Variants in BAIAP2L1 observed in about 807,000 individuals in gnomAD.
BAIAP2L1 encodes the protein BAR/IMD domain-containing adapter protein 2-like 1.
A neutral mutation model predicts 66.3 loss-of-function variants in BAIAP2L1; 35 were observed. The ratio of observed to expected loss-of-function variants is 0.53; its 90% CI spans 0.40 to 0.70. The LOEUF is 0.70. Among genes scored for constraint, BAIAP2L1 ranks in the 30% least tolerant of loss-of-function variants. The probability of loss-of-function intolerance (pLI) is 0.00; values close to 1 mark genes in which losing one functional copy is unlikely to be tolerated. For missense variants in BAIAP2L1, 622 were observed against 656.9 expected, an observed-to-expected ratio of 0.95 and a Z score of 0.58; for synonymous variants, 269 against 248.7, an observed-to-expected ratio of 1.08 and a Z score of -0.77.
intron 1 of BAIAP2L1, among the ~76,000 whole-genome samples, chr7:98,383,139 G>A (rs1802797469): frequency 6.6e-6 from 1 of 151,174 alleles, no homozygotes; most frequent in South Asian, 2.1e-4. Flanking sequence ...CTCCAGCCTG[G>A]GCAAGAGACC....
Position 98,362,375 on chromosome 7 carries a change from A to C in BAIAP2L1, c.109T>G (p.Tyr37Asp). Residue 37 changes from tyrosine to aspartate, a missense_variant, in exon 2 of 14, where the codon TAT (tyrosine) becomes GAT (aspartate). Tyr to Asp is a radical substitution (Grantham distance 160). Coordinates refer to ENST00000005260, the MANE Select transcript of BAIAP2L1 (RefSeq NM_018842.5). ...LRNLINLGKN[Y>D]EKAVNAMILA... ...GACTTACCGTTTACAGCTTTCTCAT[A>C]ATTTTTCCCCAGGTTTATTAAATTT... The C allele has an allele frequency of 6.2e-7, 1 of 1,612,166 alleles. No homozygotes were observed. Among genetic ancestry groups the C allele is most frequent in the Non-Finnish European group, 8.5e-7 (1 of 1,178,686 alleles).
chr7:98,302,542 G>C (rs1800471265), intron 12 of BAIAP2L1, among the ~76,000 whole-genome samples: 1 of 152,176 alleles, frequency 6.6e-6, no homozygotes, highest in Non-Finnish European at 1.5e-5. Flanking sequence ...ACTCTGAGCA[G>C]GGCCTGAGGT....
chr7:98,395,059 C>T (rs1275500061), intron 1 of BAIAP2L1, among the ~76,000 whole-genome samples: 5 of 151,550 alleles, frequency 3.3e-5, no homozygotes, highest in Middle Eastern at 3.4e-3. Flanking sequence ...TGTAATGAGC[C>T]GAGATCACAC....
intron 1 of BAIAP2L1, among the ~76,000 whole-genome samples, chr7:98,380,920 C>G (rs1324512215): frequency 6.7e-6 from 1 of 149,584 alleles, no homozygotes; most frequent in East Asian, 2.0e-4. Context: ...TATGCCTTTG[C>G]TCATTCTTTG....
chr7:98,399,381 T>C (rs935493925), intron 1 of BAIAP2L1, among the ~76,000 whole-genome samples: 1 of 152,208 alleles, frequency 6.6e-6, no homozygotes, highest in Non-Finnish European at 1.5e-5. Flanking sequence ...TTCATGTTCT[T>C]CTCTTACTTT....
intron 1 of BAIAP2L1, among the ~76,000 whole-genome samples, chr7:98,363,098 G>A (rs1246832435): frequency 2.9e-5 from 4 of 138,980 alleles, no homozygotes; most frequent in African/African-American, 1.1e-4. Flanking sequence ...ACAGTGGCAC[G>A]ATCTCAGCTC....
intron 3 of BAIAP2L1, among the ~76,000 whole-genome samples, chr7:98,343,248 T>C (rs921783275): frequency 1.9e-3 from 238 of 128,584 alleles, no homozygotes; most frequent in African/African-American, 6.8e-3. Context: ...AAAAAAAAAA[T>C]ACACACACAC....
Position 98,355,081 on chromosome 7 carries a change from C to A in BAIAP2L1, c.175G>T (p.Gly59Cys). Reference protein sequence around the residue: ...KAYYDGVAKIGEIATGSPVST... With the variant: ...KAYYDGVAKICEIATGSPVST... ...ACGGGGGACCCAGTGGCAATCTCAC[C>A]GATCTTGGCCACTCCATCGTAGTAG... is the stretch of plus-strand genomic sequence containing the variant. The change falls in exon 3 of 14, where the codon GGT becomes TGT. Residue 59 changes from glycine (G) to cysteine (C), a missense_variant. Gly to Cys is a radical substitution (Grantham distance 159). Coordinates refer to ENST00000005260, the MANE Select transcript of BAIAP2L1 (RefSeq NM_018842.5). The A allele has an allele frequency of 6.2e-7, 1 of 1,613,980 alleles. No individual in the cohort carries two copies. Among genetic ancestry groups the A allele is most frequent in the Non-Finnish European group, 8.5e-7 (1 of 1,179,886 alleles).
chr7:98,351,157 G>A lies in BAIAP2L1; in HGVS notation c.214+3885C>T, dbSNP rs905917488. 1.8e-4 allele frequency among the ~76,000 whole-genome samples: 27 copies of A among 152,178 alleles called. No homozygotes were observed. In the East Asian group the frequency reaches 4.8e-3, roughly 27 times the overall value. On this transcript the variant is annotated intron_variant, in intron 3 of 13. Transcript: ENST00000005260. ...ATTACAGGCCTGAGCCACTGTACCC[G>A]GCCACAATTATGAAGTCTGAAGTAT...
intron 3 of BAIAP2L1, among the ~76,000 whole-genome samples, chr7:98,324,134 C>T (rs559955191): frequency 5.3e-5 from 8 of 152,354 alleles, no homozygotes; most frequent in Admixed American, 3.9e-4. Flanking sequence ...CACACTGGGG[C>T]GCCTGCTTCC....
chr7:98,301,375 T>TC (rs1800411850), intron 12 of BAIAP2L1, among the ~76,000 whole-genome samples: 1 of 151,860 alleles, frequency 6.6e-6, no homozygotes, highest in African/African-American at 2.4e-5. Flanking sequence ...AGGAGGGCAT[T>TC]CTCATGAGGT....
At chr7:98,375,693 G>A (rs1336769072) in intron 1 of BAIAP2L1, among the ~76,000 whole-genome samples, 2 of 135,294 alleles carry the variant, frequency 1.5e-5, no homozygotes, top group Non-Finnish European at 3.0e-5. Context: ...AGGTTGCGGT[G>A]ATCACACCCC....
At chr7:98,370,112 A>T (rs925875902) in intron 1 of BAIAP2L1, among the ~76,000 whole-genome samples, 1 of 152,120 alleles carries the variant, frequency 6.6e-6, no homozygotes, top group African/African-American at 2.4e-5. Flanking sequence ...GGGGGAAAAA[A>T]AAAAGTTCAA....
intron 1 of BAIAP2L1, among the ~76,000 whole-genome samples, chr7:98,380,615 G>A (rs901944549): frequency 6.6e-6 from 1 of 151,408 alleles, no homozygotes; most frequent in African/African-American, 2.4e-5. Context: ...GATTCGGGTG[G>A]GGACACAGAG....
intron 3 of BAIAP2L1, among the ~76,000 whole-genome samples, chr7:98,338,118 C>T (rs1278586347): frequency 6.6e-6 from 1 of 152,138 alleles, no homozygotes; most frequent in Non-Finnish European, 1.5e-5. Context: ...ACCCAGTTCA[C>T]AATCATCTTC....
intron 12 of BAIAP2L1, among the ~76,000 whole-genome samples, chr7:98,295,358 G>A (rs1025362953): frequency 1.3e-5 from 2 of 152,142 alleles, no homozygotes; most frequent in African/African-American, 4.8e-5. Flanking sequence ...TTCATCACTG[G>A]AGCACAAAGC....
intron 1 of BAIAP2L1, among the ~76,000 whole-genome samples, chr7:98,396,594 A>G (rs2115865836): frequency 6.6e-6 from 1 of 152,110 alleles, no homozygotes; most frequent in East Asian, 1.9e-4. Flanking sequence ...CCTGGTTAAC[A>G]ACTATCCTGG....
chr7:98,361,554 T>G (rs2115723743), intron 2 of BAIAP2L1, among the ~76,000 whole-genome samples: 1 of 152,232 alleles, frequency 6.6e-6, no homozygotes. Flanking sequence ...AGAACTGTCT[T>G]GCCCATGTTA....
At chr7:98,306,840 G>A (rs1800676778) in intron 10 of BAIAP2L1, 1 of 332,630 alleles carries the variant, frequency 3.0e-6, no homozygotes, top group Admixed American at 4.4e-5. Context: ...CCGAGTAGCT[G>A]TGACTAGAAG....
Sources: allele counts gnomAD v4.1 joint callset (sites outside exome capture counted in the v4.1 genomes callset), GRCh38; gene constraint gnomAD v4.1.1; transcripts MANE v1.5; gene names NCBI Gene and HGNC (gene_info 2026-07-23, HGNC 2026-07-21).